The following ACSM1 variants were observed in gnomAD, a reference collection of about 807,000 sequenced individuals.
ACSM1 encodes acyl-coenzyme A synthetase ACSM1, mitochondrial.
A neutral mutation model predicts 75.8 loss-of-function variants in ACSM1; 79 were observed. That is an observed-to-expected ratio of 1.04 (90% CI 0.87 to 1.26). The LOEUF (loss-of-function observed/expected upper bound fraction) is 1.26, where lower values mean the gene tolerates loss of function less well. Among genes scored for constraint, ACSM1 ranks in the 50% most tolerant of loss-of-function variants. ACSM1 has a pLI of 0.00. For synonymous variants in ACSM1, 279 were observed against 265.8 expected (o/e 1.05, Z -0.48); for missense variants, 676 against 720.1 (o/e 0.94, Z 0.70).
intron 1 of ACSM1, among the ~76,000 whole-genome samples, chr16:20,693,019 A>T (rs1457589001): frequency 6.6e-6 from 1 of 152,014 alleles, no homozygotes; most frequent in East Asian, 1.9e-4. Flanking sequence ...AAATTTGAAA[A>T]ATTAGCCAGG....
chr16:20,656,944 T>C (rs1019534403), intron 7 of ACSM1, among the ~76,000 whole-genome samples: 5 of 151,752 alleles, frequency 3.3e-5, no homozygotes, highest in African/African-American at 1.2e-4. Flanking sequence ...AGTTTAGTTG[T>C]CTTCTAAACT....
At chr16:20,674,715 T>TG (rs888759432) in intron 4 of ACSM1, 5 of 152,016 alleles carry the variant, frequency 3.3e-5, no homozygotes, top group Non-Finnish European at 4.4e-5. Flanking sequence ...AGGCATGCCA[T>TG]GGGGGAGTTT....
At position 20,646,511 on chromosome 16, in the gene ACSM1, C is replaced by G. The variant is rs376457955; in HGVS notation, c.993-5927G>C. On this transcript the variant is annotated intron_variant, in intron 7 of 13. Coordinates refer to ENST00000520010, the MANE Select transcript of ACSM1 (RefSeq NM_001318890.3). ...ACTGGCACGGCCTTCTCAGTCTTAC[C>G]CTCCTGTCCCAGACAACTGTCCTCC... 5.9e-5 allele frequency among the ~76,000 whole-genome samples: 9 copies of G among 152,262 alleles called. No individual in the cohort carries two copies. In the East Asian group the frequency reaches 9.7e-4, roughly 16 times the overall value.
intron 4 of ACSM1, chr16:20,680,426 T>C (rs77734337): frequency 6.6e-6 from 1 of 152,252 alleles, no homozygotes; most frequent in East Asian, 1.9e-4. Context: ...GCTGAAAACA[T>C]AGCTGGCAGC....
At chr16:20,625,903 A>G (rs2016894501) in intron 11 of ACSM1, among the ~76,000 whole-genome samples, 2 of 152,198 alleles carry the variant, frequency 1.3e-5, no homozygotes, top group African/African-American at 2.4e-5. Flanking sequence ...TTCGGCTTTT[A>G]TTATATATAC....
At chr16:20,638,461 T>C (rs1245167527) in intron 8 of ACSM1, among the ~76,000 whole-genome samples, 3 of 152,194 alleles carry the variant, frequency 2.0e-5, no homozygotes, top group African/African-American at 7.2e-5. Context: ...ATCCCAAGAA[T>C]AGAGACTGCC....
intron 4 of ACSM1, chr16:20,676,284 C>T (rs990343022): frequency 6.6e-6 from 1 of 152,218 alleles, no homozygotes; most frequent in African/African-American, 2.4e-5. Flanking sequence ...GCTTCAGCAC[C>T]TACAAAAGTG....
At position 20,669,884 on chromosome 16, in the gene ACSM1, C is replaced by T. The variant is rs377313821; in HGVS notation, c.855G>A (p.Ala285=). 1.4e-3 allele frequency: 2,317 copies of T among 1,613,980 alleles called. 50 individuals carry two copies. In the South Asian group the frequency reaches 0.023, roughly 16 times the overall value. ...TIWTLVEPWT[A]GCTVFIHHLP... Reference sequence around the variant, plus strand: ...GATGGTGGATAAAGACTGTACAACCCGCTGTCCATGGTTCTACCAGGGTCC... The same window carrying T: ...GATGGTGGATAAAGACTGTACAACCTGCTGTCCATGGTTCTACCAGGGTCC... The change falls in exon 6 of 14, where the codon GCG becomes GCA. Residue 285 remains alanine (A), a synonymous_variant. Transcript: ENST00000520010.
chr16:20,694,022 TA>T (rs985208988), intron 1 of ACSM1, among the ~76,000 whole-genome samples: 6 of 152,258 alleles, frequency 3.9e-5, no homozygotes. Context: ...CAATTTAGCC[TA>T]AATATTTGCC....
At chr16:20,659,299 G>T (rs2019168729) in intron 7 of ACSM1, among the ~76,000 whole-genome samples, 1 of 152,112 alleles carries the variant, frequency 6.6e-6, no homozygotes, top group South Asian at 2.1e-4. Flanking sequence ...GGCCAAATCA[G>T]ACAACTCTAG....
At chr16:20,650,858 TATAGAGTAC>T (rs900662209) in intron 7 of ACSM1, among the ~76,000 whole-genome samples, 10 of 152,160 alleles carry the variant, frequency 6.6e-5, no homozygotes, top group African/African-American at 2.4e-4. Flanking sequence ...ACCTGCAGAC[TATAGAGTAC>T]ATAGCTTCTA....
At chr16:20,682,862 C>T (rs1204171680) in intron 3 of ACSM1, among the ~76,000 whole-genome samples, 6 of 152,274 alleles carry the variant, frequency 3.9e-5, no homozygotes, top group Admixed American at 2.6e-4. Flanking sequence ...TTCCTTTTCC[C>T]CTTTCTGTCA....
intron 10 of ACSM1, among the ~76,000 whole-genome samples, chr16:20,628,611 T>G (rs2017138791): frequency 1.3e-5 from 2 of 152,234 alleles, no homozygotes; most frequent in Non-Finnish European, 2.9e-5. Flanking sequence ...ACAAACGGTT[T>G]GATCCTTTTT....
At chr16:20,652,257 T>C (rs914581638) in intron 7 of ACSM1, among the ~76,000 whole-genome samples, 1 of 152,124 alleles carries the variant, frequency 6.6e-6, no homozygotes, top group African/African-American at 2.4e-5. Context: ...GGATTTAAGG[T>C]TATTATTTGA....
intron 8 of ACSM1, among the ~76,000 whole-genome samples, chr16:20,639,829 A>G (rs1238918501): frequency 1.3e-5 from 2 of 152,188 alleles, no homozygotes; most frequent in African/African-American, 4.8e-5. Flanking sequence ...AAAGGAAAAC[A>G]AACCCCAAAA....
At chr16:20,661,109 T>A (rs1441970349) in intron 7 of ACSM1, among the ~76,000 whole-genome samples, 1 of 152,154 alleles carries the variant, frequency 6.6e-6, no homozygotes, top group Non-Finnish European at 1.5e-5. Flanking sequence ...TGTCCTAGGA[T>A]TCTATGTAGC....
chr16:20,631,674 G>T (rs1379491152), intron 10 of ACSM1, among the ~76,000 whole-genome samples: 3 of 152,306 alleles, frequency 2.0e-5, no homozygotes, highest in Admixed American at 2.0e-4. Flanking sequence ...ACCATGGGAT[G>T]CTATTAAGCC....
chr16:20,685,254 C>G lies in ACSM1; in HGVS notation c.342G>C (p.Leu114=), dbSNP rs1258292713. The G allele has an allele frequency of 6.2e-7, 1 of 1,614,196 alleles. No individual in the cohort carries two copies. The highest frequency in any genetic ancestry group is 8.5e-7 in the Non-Finnish European group (1 of 1,180,034). Residue 114 remains leucine (L), a synonymous_variant, in exon 3 of 14, where the codon CTG becomes CTC. Coordinates refer to ENST00000520010, the MANE Select transcript of ACSM1 (RefSeq NM_001318890.3). ...CAGGAACTCGAGGCAGCATCAAGGC[C>G]AGATGGTCTCCCTGTTGTAGGCCAC... ...QTCGLQQGDH[L]ALMLPRVPEW...
chr16:20,657,399 C>A (rs2019035706), intron 7 of ACSM1, among the ~76,000 whole-genome samples: 1 of 152,074 alleles, frequency 6.6e-6, no homozygotes, highest in African/African-American at 2.4e-5. Context: ...ACCTCTGCCT[C>A]CTGTGTTCAA....
Sources: allele counts gnomAD v4.1 joint callset (sites outside exome capture counted in the v4.1 genomes callset), GRCh38; gene constraint gnomAD v4.1.1; transcripts MANE v1.5; gene names NCBI Gene and HGNC (gene_info 2026-07-23, HGNC 2026-07-21).